The following TBC1D5 variants were observed in gnomAD, a reference collection of about 807,000 sequenced individuals.
TBC1D5 encodes TBC1 domain family, member 5.
Under a neutral mutation model 100.3 loss-of-function variants are expected in TBC1D5, and 75 were observed. The observed-to-expected ratio is 0.75, with a 90% CI of 0.62 to 0.91. TBC1D5 has a LOEUF of 0.91. TBC1D5 is among the 40% of genes least tolerant of loss of function. The pLI, the probability that TBC1D5 is intolerant of heterozygous loss-of-function variation, is 0.00. For missense variants in TBC1D5, 910 were observed against 942.4 expected, an observed-to-expected ratio of 0.97 and a Z score of 0.45; for synonymous variants, 323 against 325.6, an observed-to-expected ratio of 0.99 and a Z score of 0.09.
chr3:17,248,601 T>A (rs1052724000), intron 16 of TBC1D5, among the ~76,000 whole-genome samples: 10 of 152,190 alleles, frequency 6.6e-5, no homozygotes, highest in Admixed American at 6.5e-4. Flanking sequence ...TTAGCAGGCA[T>A]GGAAACAACA....
intron 20 of TBC1D5, 36 bp downstream of exon 21, chr3:17,167,713 G>A (rs1212480891): frequency 2.5e-6 from 4 of 1,592,784 alleles, no homozygotes; most frequent in Middle Eastern, 1.7e-4. Flanking sequence ...GCGGCAGGCG[G>A]GACACAAAGA....
chr3:17,164,002 TTGAG>T (rs1331197159), intron 21 of TBC1D5, among the ~76,000 whole-genome samples: 1 of 152,152 alleles, frequency 6.6e-6, no homozygotes, highest in East Asian at 1.9e-4. Context: ...TGCAGCTGAT[TTGAG>T]TTAGTTCATC....
chr3:17,236,997 A>G (rs1265435244), intron 17 of TBC1D5, among the ~76,000 whole-genome samples: 1 of 152,178 alleles, frequency 6.6e-6, no homozygotes, highest in Non-Finnish European at 1.5e-5. Context: ...AGTCCATTTA[A>G]CTTAAGTTTA....
intron 10 of TBC1D5, 80 bp from the exon 11 acceptor site, chr3:17,374,759 G>A (rs2092632153): frequency 7.0e-7 from 1 of 1,427,316 alleles, no homozygotes; most frequent in African/African-American, 1.4e-5. Context: ...TTCTATATAA[G>A]ACAACTTTCA....
chr3:17,578,724 A>G (rs1197047585), intron 2 of TBC1D5, among the ~76,000 whole-genome samples: 2 of 152,002 alleles, frequency 1.3e-5, no homozygotes, highest in Admixed American at 6.6e-5. Context: ...GGTAAAAAAC[A>G]TTTTAAATGC....
chr3:17,571,113 C>A (rs2096624545), intron 2 of TBC1D5, among the ~76,000 whole-genome samples: 1 of 151,498 alleles, frequency 6.6e-6, no homozygotes, highest in Non-Finnish European at 1.5e-5. Context: ...AAAAATAACA[C>A]ATAAAAAAAC....
At chr3:17,523,258 T>A (rs550768841) in intron 2 of TBC1D5, among the ~76,000 whole-genome samples, 1 of 152,300 alleles carries the variant, frequency 6.6e-6, no homozygotes, top group East Asian at 1.9e-4. Flanking sequence ...CATTTTAAGA[T>A]ATCCTACTGC....
chr3:17,587,686 TAATTTGAAAAGTAAC>T (rs2096740935), intron 2 of TBC1D5, among the ~76,000 whole-genome samples: 1 of 152,078 alleles, frequency 6.6e-6, no homozygotes, highest in Admixed American at 6.5e-5. Context: ...ACTTTCAATC[TAATTTGAAAAGTAAC>T]AAACAATACT....
intron 3 of TBC1D5, among the ~76,000 whole-genome samples, chr3:17,485,332 T>TTTA (rs10663489): frequency 0.49 from 73,979 of 149,480 alleles, 19,840 homozygotes; most frequent in African/African-American, 0.69. Flanking sequence ...GCCAATATTC[T>TTTA]TTATTATTAT....
At chr3:17,650,518 T>G (rs1484663831) in intron 1 of TBC1D5, among the ~76,000 whole-genome samples, 1 of 152,172 alleles carries the variant, frequency 6.6e-6, no homozygotes, top group Admixed American at 6.5e-5. Flanking sequence ...GTAAAGATTT[T>G]TATTTCTCTT....
chr3:17,418,809 G>A (rs954326845), intron 4 of TBC1D5, among the ~76,000 whole-genome samples: 3 of 152,154 alleles, frequency 2.0e-5, no homozygotes, highest in African/African-American at 7.2e-5. Context: ...AAATGGGAAA[G>A]TTGTCAAAAT....
chr3:17,173,011 G>C (rs529403275), intron 19 of TBC1D5, among the ~76,000 whole-genome samples: 30 of 152,216 alleles, frequency 2.0e-4, no homozygotes, highest in African/African-American at 6.5e-4. Context: ...GAAGAAACAG[G>C]GAGACAGCAC....
At chr3:17,711,340 T>C (rs185342237) in intron 1 of TBC1D5, among the ~76,000 whole-genome samples, 37 of 152,320 alleles carry the variant, frequency 2.4e-4, no homozygotes, top group African/African-American at 8.2e-4. Context: ...ATGTATTAGT[T>C]ACAGATATGT....
At chr3:17,728,147 C>T (rs1321749302) in intron 1 of TBC1D5, among the ~76,000 whole-genome samples, 1 of 152,214 alleles carries the variant, frequency 6.6e-6, no homozygotes, top group Middle Eastern at 3.2e-3. Context: ...CATACCCACA[C>T]ACCCTAACCA....
At chr3:17,612,616 G>A (rs2061767316) in intron 2 of TBC1D5, among the ~76,000 whole-genome samples, 1 of 151,912 alleles carries the variant, frequency 6.6e-6, no homozygotes, top group Non-Finnish European at 1.5e-5. Context: ...GGTGACAAGA[G>A]TGATACTCTA....
At chr3:17,697,632 C>T (rs1434376458) in intron 1 of TBC1D5, among the ~76,000 whole-genome samples, 1 of 152,176 alleles carries the variant, frequency 6.6e-6, no homozygotes, top group Non-Finnish European at 1.5e-5. Flanking sequence ...AAGAACATCC[C>T]ACGCTCACGG....
chr3:17,570,434 C>A (rs2096620007), intron 2 of TBC1D5, among the ~76,000 whole-genome samples: 1 of 151,892 alleles, frequency 6.6e-6, no homozygotes, highest in Admixed American at 6.6e-5. Flanking sequence ...TAACTCAGAT[C>A]TCTAACTAGA....
intron 18 of TBC1D5, among the ~76,000 whole-genome samples, chr3:17,212,101 A>C (rs2073054212): frequency 6.6e-6 from 1 of 152,216 alleles, no homozygotes; most frequent in Non-Finnish European, 1.5e-5. Flanking sequence ...TTTCTAATTT[A>C]GGATAATTTC....
chr3:17,422,777 T>A (rs1337360156), intron 4 of TBC1D5, among the ~76,000 whole-genome samples: 4 of 152,192 alleles, frequency 2.6e-5, no homozygotes, highest in Non-Finnish European at 5.9e-5. Context: ...ATAAGATACA[T>A]ACGAATCTTT....
Sources: allele counts gnomAD v4.1 joint callset (sites outside exome capture counted in the v4.1 genomes callset), GRCh38; gene constraint gnomAD v4.1.1; transcripts MANE v1.5; gene names NCBI Gene and HGNC (gene_info 2026-07-23, HGNC 2026-07-21).